The following KALRN variants were observed in gnomAD, a reference collection of about 807,000 sequenced individuals.
KALRN encodes the protein kalirin.
A neutral mutation model predicts 353.7 loss-of-function variants in KALRN; 70 were observed. That is an observed-to-expected ratio of 0.20 (90% confidence interval 0.16 to 0.24). The LOEUF is 0.24. Ranked by LOEUF, KALRN falls within the 10% of genes least tolerant of loss-of-function variation. The probability of loss-of-function intolerance (pLI) is 1.00; values close to 1 mark genes in which losing one functional copy is unlikely to be tolerated. For synonymous variants in KALRN, 1,391 were observed against 1,434.8 expected (o/e 0.97, Z 0.69); for missense variants, 2,791 against 3,756.7 (o/e 0.74, Z 6.72).
chr3:124,041,716 A>G (rs568969537), intron 1 of KALRN, among the ~76,000 whole-genome samples: 1 of 152,228 alleles, frequency 6.6e-6, no homozygotes, highest in Admixed American at 6.5e-5. Flanking sequence ...TTTTCTCTGG[A>G]TGCAGAGGAA....
At chr3:124,144,168 G>C (rs1023099017) in intron 1 of KALRN, among the ~76,000 whole-genome samples, 13 of 152,156 alleles carry the variant, frequency 8.5e-5, no homozygotes. Context: ...TCCAGAGGGA[G>C]AATGACAAGT....
At chr3:124,574,226 T>A (rs896412309) in intron 34 of KALRN, among the ~76,000 whole-genome samples, 1 of 152,194 alleles carries the variant, frequency 6.6e-6, no homozygotes, top group African/African-American at 2.4e-5. Context: ...GCAAGCCACA[T>A]CCTTCTCTAA....
At chr3:124,195,494 C>T (rs906523493) in intron 1 of KALRN, among the ~76,000 whole-genome samples, 3 of 152,108 alleles carry the variant, frequency 2.0e-5, no homozygotes, top group Admixed American at 1.3e-4. Flanking sequence ...CTGAGGCTCC[C>T]GTGTGCTGTC....
chr3:124,519,764 C>T (rs1173292317), intron 33 of KALRN: 46 of 985,300 alleles, frequency 4.7e-5, no homozygotes, highest in African/African-American at 1.0e-4. Context: ...AACTTTAACA[C>T]GGGCATTTGC....
At chr3:124,368,186 G>T (rs1396095454) in intron 10 of KALRN, among the ~76,000 whole-genome samples, 3 of 80,120 alleles carry the variant, frequency 3.7e-5, no homozygotes, top group Admixed American at 2.4e-4. Flanking sequence ...GGCCGGGCGG[G>T]GGGCTGACCC....
At position 124,719,481 on chromosome 3, in the gene KALRN, G is replaced by A. The variant is rs2063307547; in HGVS notation, c.*11G>A. On this transcript the variant is annotated 3_prime_UTR_variant, in exon 60 of 60. Transcript: ENST00000682506. The surrounding 1 kb of genome is among the most constrained non-coding windows in gnomAD (Gnocchi z 5.3). Reference sequence around the variant, plus strand: ...AACCAAGGGACGTAGCCATCTCCCAGCCCCTATGGTTTCACATAGACGTGC... The same window carrying A: ...AACCAAGGGACGTAGCCATCTCCCAACCCCTATGGTTTCACATAGACGTGC... The A allele has an allele frequency of 6.2e-7, 1 of 1,606,394 alleles. No homozygotes were observed. Among genetic ancestry groups the A allele is most frequent in the African/African-American group, 1.3e-5 (1 of 74,940 alleles).
intron 17 of KALRN, among the ~76,000 whole-genome samples, chr3:124,438,121 C>T (rs2093542812): frequency 6.6e-6 from 1 of 152,170 alleles, no homozygotes; most frequent in Admixed American, 6.5e-5. Flanking sequence ...GCATCCTCCT[C>T]CAGGCCCTGA....
intron 34 of KALRN, among the ~76,000 whole-genome samples, chr3:124,596,081 T>G (rs939246003): frequency 4.6e-5 from 7 of 151,766 alleles, no homozygotes; most frequent in Non-Finnish European, 1.0e-4. Context: ...TATTAAAAAG[T>G]AGAAACAAAC....
chr3:124,609,612 A>G (rs1185619058), intron 34 of KALRN, among the ~76,000 whole-genome samples: 1 of 152,208 alleles, frequency 6.6e-6, no homozygotes, highest in East Asian at 1.9e-4. Flanking sequence ...GCTGCCTGGG[A>G]AGGAAAATGA....
At chr3:124,224,182 C>T (rs1046493611) in intron 1 of KALRN, among the ~76,000 whole-genome samples, 2 of 150,784 alleles carry the variant, frequency 1.3e-5, no homozygotes, top group Non-Finnish European at 3.0e-5. Flanking sequence ...GCAGCAACTC[C>T]AAGGGCTTAG....
In KALRN at chr3:124,439,187, TTCTCTCTCTCTC is replaced by T. The variant is rs111880516; in HGVS notation, c.3198+153_3198+164del. On this transcript the variant is annotated intron_variant, in intron 18 of 59. Coordinates refer to ENST00000682506, the MANE Select transcript of KALRN (RefSeq NM_001388419.1). ...TTTCTCCTCCTCCTCCTTCTTCTCCTTCTCTCTCTCTCTCACACACACACACACACACACACA... is the reference window on the plus strand; with the variant it reads ...TTTCTCCTCCTCCTCCTTCTTCTCCTTCACACACACACACACACACACACA... The T allele has an allele frequency of 1.6e-3, 745 of 480,274 alleles. 3 individuals carry two copies. Among genetic ancestry groups the T allele is most frequent in the East Asian group, 8.1e-3 (201 of 24,762 alleles). The allele number at this position is 480,274 out of a possible 1,614,324, so 29.8% of individuals were successfully genotyped here.
chr3:124,396,691 G>T (rs1248213486), intron 12 of KALRN, among the ~76,000 whole-genome samples: 7 of 152,246 alleles, frequency 4.6e-5, no homozygotes, highest in Admixed American at 4.6e-4. Context: ...TAGGCCTACG[G>T]AGATGCCACT....
intron 14 of KALRN, among the ~76,000 whole-genome samples, chr3:124,422,150 G>C (rs1445844194): frequency 6.6e-6 from 1 of 152,130 alleles, no homozygotes; most frequent in Non-Finnish European, 1.5e-5. Flanking sequence ...TGGTATTGCT[G>C]GGTTGTATTT....
intron 1 of KALRN, among the ~76,000 whole-genome samples, chr3:124,217,108 C>G (rs943050793): frequency 6.6e-6 from 1 of 152,156 alleles, no homozygotes; most frequent in African/African-American, 2.4e-5. Context: ...ATGTGTACCT[C>G]TATATTATAT....
intron 1 of KALRN, among the ~76,000 whole-genome samples, chr3:124,109,773 T>C (rs1488189251): frequency 1.2e-5 from 1 of 85,802 alleles, no homozygotes; most frequent in Non-Finnish European, 2.2e-5. Context: ...GATATATATA[T>C]GACATATATA....
At chr3:124,155,652 A>G (rs2068872659) in intron 1 of KALRN, among the ~76,000 whole-genome samples, 3 of 152,360 alleles carry the variant, frequency 2.0e-5, no homozygotes, top group South Asian at 4.1e-4. Flanking sequence ...ATGGAGTGGA[A>G]CCATATGAAA....
rs1301553612 is a variant in KALRN, at chr3:124,054,529, C to A, written c.73+20716C>A. On this transcript the variant is annotated intron_variant, in intron 1 of 59. Coordinates refer to ENST00000682506, the MANE Select transcript of KALRN (RefSeq NM_001388419.1). ...TCCTGACACTTCCCTGAAGCTATGGCAGACCCTCAGAATGTACCTGTAAGG... is the reference window on the plus strand; with the variant it reads ...TCCTGACACTTCCCTGAAGCTATGGAAGACCCTCAGAATGTACCTGTAAGG... 2.0e-5 allele frequency among the ~76,000 whole-genome samples: 3 copies of A among 152,130 alleles called. No individual in the cohort carries two copies. In the South Asian group the frequency reaches 6.2e-4, roughly 32 times the overall value.
Position 124,373,190 on chromosome 3 carries a change from T to A in KALRN, c.1771-11655T>A, listed in dbSNP as rs964247533. On this transcript the variant is annotated intron_variant, in intron 10 of 59. Transcript: ENST00000682506. Reference sequence around the variant, plus strand: ...GGATTATCAGAAAAATACTGTAAACTGGGAAGGTTGTATGATCTTTCTCAA... The same window carrying A: ...GGATTATCAGAAAAATACTGTAAACAGGGAAGGTTGTATGATCTTTCTCAA... Among the ~76,000 whole-genome samples, 3 of 152,078 alleles carry A rather than the reference T, an allele frequency of 2.0e-5. No homozygotes were observed. In the East Asian group the frequency reaches 5.8e-4, roughly 29 times the overall value.
chr3:124,699,849 C>T lies in KALRN; in HGVS notation c.7832-20C>T. The T allele has an allele frequency of 2.5e-6, 4 of 1,612,988 alleles. No individual in the cohort carries two copies. The highest frequency in any genetic ancestry group is 2.5e-6 in the Non-Finnish European group (3 of 1,179,242). Reference sequence around the variant, plus strand: ...CCCTTTGGCTTTTCTCTTTCCCTCTCCTGGGAAACTGTACACTAGGTTCTC... The same window carrying T: ...CCCTTTGGCTTTTCTCTTTCCCTCTTCTGGGAAACTGTACACTAGGTTCTC... On this transcript the variant is annotated intron_variant, in intron 55 of 59. Coordinates refer to ENST00000682506, the MANE Select transcript of KALRN (RefSeq NM_001388419.1).
Sources: gnomAD v4.1 joint callset for allele counts (sites outside exome capture counted in the v4.1 genomes callset) on GRCh38, gnomAD v4.1.1 for gene constraint, Gnocchi (gnomAD v3.1) non-coding constraint, MANE v1.5 for transcripts, NCBI Gene and HGNC (gene_info 2026-07-23, HGNC 2026-07-21) for gene names.